The following ADCYAP1R1 variants were observed in gnomAD, a reference collection of about 807,000 sequenced individuals.
The protein encoded by ADCYAP1R1 is pituitary adenylate cyclase-activating polypeptide type I receptor.
Under a neutral mutation model 67.6 loss-of-function variants are expected in ADCYAP1R1, and 44 were observed. That is an observed-to-expected ratio of 0.65 (90% CI 0.51 to 0.84). The LOEUF (loss-of-function observed/expected upper bound fraction) is 0.84. Among genes scored for constraint, ADCYAP1R1 ranks in the 40% least tolerant of loss-of-function variants. ADCYAP1R1 has a pLI of 0.00. For missense variants in ADCYAP1R1, 477 were observed against 587.9 expected (o/e 0.81, Z 1.95); for synonymous variants, 222 against 219.6 (o/e 1.01, Z -0.10).
In ADCYAP1R1 at chr7:31,084,057, C is replaced by G. The variant is rs1795630709; in HGVS notation, c.329-84C>G. The G allele has an allele frequency of 3.3e-6, 4 of 1,213,484 alleles. No individual in the cohort carries two copies. In the African/African-American group the frequency reaches 4.5e-5, roughly 14 times the overall value. 75.2% of individuals were successfully genotyped at this position (1,213,484 alleles called of 1,614,324 possible). On this transcript the variant is annotated intron_variant, in intron 6 of 15. Coordinates refer to ENST00000304166, the MANE Select transcript of ADCYAP1R1 (RefSeq NM_001118.5). ...TGGTCATAGGGGTTTCCAGGAATTCCCACTGAATACGTAATTTTTGCATAA... is the reference window on the plus strand; with the variant it reads ...TGGTCATAGGGGTTTCCAGGAATTCGCACTGAATACGTAATTTTTGCATAA...
intron 11 of ADCYAP1R1, among the ~76,000 whole-genome samples, chr7:31,087,362 A>G (rs1795792102): frequency 6.6e-6 from 1 of 152,232 alleles, no homozygotes; most frequent in East Asian, 1.9e-4. Context: ...CCAGGAGCTC[A>G]CTGGTGATAC....
intron 3 of ADCYAP1R1, among the ~76,000 whole-genome samples, chr7:31,073,376 A>T (rs1479764536): frequency 6.6e-6 from 1 of 152,178 alleles, no homozygotes; most frequent in Non-Finnish European, 1.5e-5. Flanking sequence ...AGATAAAAGG[A>T]GGAGGGGGAG....
intron 2 of ADCYAP1R1, among the ~76,000 whole-genome samples, chr7:31,064,276 C>A (rs559674909): frequency 6.6e-6 from 1 of 152,102 alleles, no homozygotes; most frequent in African/African-American, 2.4e-5. Flanking sequence ...AGAAAATGAG[C>A]TTTCTCAGCC....
chr7:31,063,371 C>T, intron 2 of ADCYAP1R1, 56 bp downstream of exon 2: 2 of 1,597,382 alleles, frequency 1.3e-6, no homozygotes, highest in Non-Finnish European at 8.6e-7. Flanking sequence ...GTCCCCGCTC[C>T]AGAGAACTCA....
chr7:31,072,824 G>A (rs2128622092), intron 3 of ADCYAP1R1, among the ~76,000 whole-genome samples: 1 of 152,336 alleles, frequency 6.6e-6, no homozygotes, highest in Admixed American at 6.5e-5. Flanking sequence ...TTTATCCTGG[G>A]TTATTTGGGT....
chr7:31,077,923 G>T lies in ADCYAP1R1; in HGVS notation c.158-68G>T, dbSNP rs921666549. 6 of 1,006,438 alleles carry T rather than the reference G, an allele frequency of 6.0e-6. No individual in the cohort carries two copies. In the East Asian group the frequency reaches 1.5e-4, roughly 25 times the overall value. The allele number at this position is 1,006,438 out of a possible 1,614,324, so 62.3% of individuals were successfully genotyped here. ...TGGTGTGTATGTTGGTGTGTGTGAT[G>T]TGTGTGGTGGTGTGTGTGTATGGGT... is the stretch of plus-strand genomic sequence containing the variant. On this transcript the variant is annotated intron_variant, in intron 3 of 15. Transcript: ENST00000304166.
chr7:31,075,637 G>C (rs1185157475), intron 3 of ADCYAP1R1, among the ~76,000 whole-genome samples: 2 of 152,136 alleles, frequency 1.3e-5, no homozygotes, highest in Non-Finnish European at 2.9e-5. Flanking sequence ...ACTACCCACA[G>C]GCTGGAAGGA....
chr7:31,084,905 C>T, intron 8 of ADCYAP1R1, 71 bp downstream of exon 8: 1 of 1,350,460 alleles, frequency 7.4e-7, no homozygotes, highest in East Asian at 2.3e-5. Flanking sequence ...GTGCATCTCT[C>T]CCCTCCCCCC....
At chr7:31,079,753 C>T (rs1216654095) in intron 4 of ADCYAP1R1, among the ~76,000 whole-genome samples, 1 of 152,142 alleles carries the variant, frequency 6.6e-6, no homozygotes, top group Non-Finnish European at 1.5e-5. Context: ...ACCTCCACCT[C>T]CAGACCACCG....
At position 31,092,726 on chromosome 7, in the gene ADCYAP1R1, G is replaced by T. The variant is rs768498625; in HGVS notation, c.1037G>T (p.Ser346Ile). 22 of 1,610,780 alleles carry T rather than the reference G, an allele frequency of 1.4e-5. No homozygotes were observed. In the East Asian group the frequency reaches 4.5e-4, roughly 33 times the overall value. Residue 346 changes from serine to isoleucine, a missense_variant, in exon 13 of 16, where the codon AGC (serine) becomes ATC (isoleucine). By Grantham distance (142) the Ser-to-Ile change is moderately radical. Transcript: ENST00000304166. ...QSPDMGGNES[S>I]IYLRLARSTL... ...CCAGACATGGGAGGCAATGAGTCCA[G>T]CATCTACTTGTAAGTACCATTGTGT...
rs560757626 is a variant in ADCYAP1R1, at chr7:31,061,442, G to A, written c.-71-1752G>A. ...CCACCAGGGGCGTGGCAAGCCCTGG[G>A]AGCTGGTACAGAGACGGAAGCCTGA... On this transcript the variant is annotated intron_variant, in intron 1 of 15. Transcript: ENST00000304166. Among the ~76,000 whole-genome samples the A allele has an allele frequency of 3.9e-3, 592 of 152,338 alleles. 2 individuals carry two copies. Among genetic ancestry groups the A allele is most frequent in the Non-Finnish European group, 7.1e-3 (483 of 68,032 alleles).
chr7:31,107,394 T>G lies in ADCYAP1R1; in HGVS notation c.*710T>G, dbSNP rs1206475808. 3 of 152,284 alleles carry G rather than the reference T, an allele frequency of 2.0e-5. No homozygotes were observed. Among genetic ancestry groups the G allele is most frequent in the African/African-American group, 4.8e-5 (2 of 41,444 alleles). 9.4% of individuals were successfully genotyped at this position (152,284 alleles called of 1,614,324 possible). ...AGGGAAGGTTCTGGTGCTTTTCGTTTGATCCAAAAGGAGCTGAGAGCCAGA... is the reference window on the plus strand; with the variant it reads ...AGGGAAGGTTCTGGTGCTTTTCGTTGGATCCAAAAGGAGCTGAGAGCCAGA... On this transcript the variant is annotated 3_prime_UTR_variant, in exon 16 of 16. Transcript: ENST00000304166.
intron 3 of ADCYAP1R1, among the ~76,000 whole-genome samples, chr7:31,067,930 A>T (rs1398193433): frequency 6.6e-6 from 1 of 152,192 alleles, no homozygotes; most frequent in Non-Finnish European, 1.5e-5. Flanking sequence ...CTTCTGCTAC[A>T]TCCCAGTTCT....
At position 31,086,249 on chromosome 7, in the gene ADCYAP1R1, A is replaced by G; in HGVS notation, c.670-135A>G. 1 of 970,344 alleles carries G rather than the reference A, an allele frequency of 1.0e-6. No individual in the cohort carries two copies. 60.1% of individuals were successfully genotyped at this position (970,344 alleles called of 1,614,324 possible). On this transcript the variant is annotated intron_variant, in intron 9 of 15. Transcript: ENST00000304166. This position sits in a 1 kb window ranked among gnomAD's most constrained non-coding sequence, Gnocchi z 5.0. ...GGATGCTGCAATTTTCAACTCTTTG[A>G]TCCAGGAATATTGACTCTCTTAGAT...
chr7:31,105,585 C>T (rs374482260), intron 15 of ADCYAP1R1, among the ~76,000 whole-genome samples: 36 of 152,316 alleles, frequency 2.4e-4, no homozygotes, highest in East Asian at 3.9e-4. Context: ...TGAGAGTAGG[C>T]GGGAGTCTTT....
intron 1 of ADCYAP1R1, among the ~76,000 whole-genome samples, chr7:31,061,074 G>A (rs1794480902): frequency 6.6e-6 from 1 of 152,236 alleles, no homozygotes; most frequent in South Asian, 2.1e-4. Flanking sequence ...CTGCTAGGGG[G>A]CAGCCCAGTC....
At chr7:31,064,526 T>G (rs370631060) in intron 2 of ADCYAP1R1, among the ~76,000 whole-genome samples, 1 of 152,220 alleles carries the variant, frequency 6.6e-6, no homozygotes, top group African/African-American at 2.4e-5. Flanking sequence ...ACACTCAGAA[T>G]AATGCATGCA....
chr7:31,098,154 G>A (rs938929799), intron 13 of ADCYAP1R1, among the ~76,000 whole-genome samples: 3 of 152,082 alleles, frequency 2.0e-5, no homozygotes, highest in African/African-American at 4.8e-5. Context: ...CACCCGCCTC[G>A]GCCTCCCAAA....
intron 1 of ADCYAP1R1, among the ~76,000 whole-genome samples, chr7:31,057,445 G>A (rs548734470): frequency 6.2e-4 from 94 of 152,348 alleles, no homozygotes; most frequent in African/African-American, 2.0e-3. Context: ...TACTGCCAAC[G>A]GGCACAGGTG....
Sources: gnomAD v4.1 joint callset for allele counts (sites outside exome capture counted in the v4.1 genomes callset) on GRCh38, gnomAD v4.1.1 for gene constraint, Gnocchi (gnomAD v3.1) non-coding constraint, MANE v1.5 for transcripts, NCBI Gene and HGNC (gene_info 2026-07-23, HGNC 2026-07-21) for gene names.